Variants in CAST observed in about 807,000 individuals in gnomAD.
CAST encodes calpastatin.
In CAST, 76 loss-of-function variants were observed where a neutral mutation model predicts 119.6. The observed-to-expected ratio is 0.64, with a 90% CI of 0.53 to 0.77. The LOEUF (loss-of-function observed/expected upper bound fraction) is 0.77, where lower values mean the gene tolerates loss of function less well. CAST is among the 30% of genes least tolerant of loss of function. The pLI, the probability that CAST is intolerant of heterozygous loss-of-function variation, is 0.00. For missense variants in CAST, 953 were observed against 946.5 expected, an observed-to-expected ratio of 1.01 and a Z score of -0.09; for synonymous variants, 319 against 331.6, an observed-to-expected ratio of 0.96 and a Z score of 0.41.
intron 22 of CAST, 104 bp from the exon 23 acceptor site, chr5:96,757,340 C>A (rs1364762104): frequency 3.0e-6 from 3 of 1,015,808 alleles, no homozygotes; most frequent in East Asian, 2.4e-5. Flanking sequence ...TTAAAATGTA[C>A]AACAGCAAGT....
the CAST span, among the ~76,000 whole-genome samples, chr5:96,313,796 A>C: frequency 6.6e-6 from 1 of 151,894 alleles, no homozygotes; most frequent in Non-Finnish European, 1.5e-5. Context: ...TTTTTTTTTA[A>C]TTTTGAGCCA....
intron 1 of CAST, among the ~76,000 whole-genome samples, chr5:96,597,332 A>T (rs1747071008): frequency 6.6e-6 from 1 of 152,202 alleles, no homozygotes; most frequent in Admixed American, 6.5e-5. Flanking sequence ...CTTTTCCCCC[A>T]CTCACCTACG....
intron 1 of CAST, among the ~76,000 whole-genome samples, chr5:96,638,749 T>C (rs560607047): frequency 6.6e-6 from 1 of 152,344 alleles, no homozygotes; most frequent in Non-Finnish European, 1.5e-5. Flanking sequence ...AACTTTCTCC[T>C]CCCGTGGGCC....
chr5:96,767,080 C>G (rs760845255), intron 27 of CAST, among the ~76,000 whole-genome samples: 1 of 152,160 alleles, frequency 6.6e-6, no homozygotes, highest in Non-Finnish European at 1.5e-5. Context: ...TGATGACTTT[C>G]TAAGTGTAAT....
intron 1 of CAST, among the ~76,000 whole-genome samples, chr5:96,588,491 T>C (rs147091049): frequency 1.8e-4 from 27 of 152,288 alleles, no homozygotes; most frequent in South Asian, 4.1e-4. Context: ...TGAGCTACGG[T>C]ACCCGGCTTA....
At chr5:96,236,487 T>G in the CAST span, among the ~76,000 whole-genome samples, 3 of 152,164 alleles carry the variant, frequency 2.0e-5, no homozygotes, top group African/African-American at 7.2e-5. Context: ...AGTCTTCCCT[T>G]TCCTTTGCCC....
the CAST span, among the ~76,000 whole-genome samples, chr5:96,417,312 T>C: frequency 1.3e-5 from 2 of 152,164 alleles, no homozygotes; most frequent in African/African-American, 4.8e-5. Context: ...GAATTCTAAG[T>C]CAGGACAATA....
the CAST span, among the ~76,000 whole-genome samples, chr5:96,238,338 TTCTTCTTCATCTTCA>T: frequency 1.8e-4 from 8 of 45,236 alleles, no homozygotes; most frequent in African/African-American, 4.1e-4. Flanking sequence ...CTTCTTCTTC[TTCTTCTTCATCTTCA>T]TCTTCTTCTT....
chr5:96,585,830 A>G (rs1746849818), intron 1 of CAST, among the ~76,000 whole-genome samples: 1 of 152,254 alleles, frequency 6.6e-6, no homozygotes, highest in African/African-American at 2.4e-5. Flanking sequence ...GAAAAGATAT[A>G]GAGACGTGCA....
intron 1 of CAST, among the ~76,000 whole-genome samples, chr5:96,656,239 G>A (rs1184474722): frequency 2.0e-5 from 3 of 152,208 alleles, no homozygotes; most frequent in African/African-American, 7.2e-5. Flanking sequence ...AGAACAATTT[G>A]TATACTCTAT....
the CAST span, among the ~76,000 whole-genome samples, chr5:96,152,473 G>T: frequency 2.0e-5 from 3 of 152,172 alleles, no homozygotes; most frequent in African/African-American, 7.2e-5. Context: ...CAAAGTTTGT[G>T]AGGGGTCCTA....
upstream of CAST, among the ~76,000 whole-genome samples, chr5:96,529,241 AAG>A (rs574172712): frequency 1.2e-3 from 176 of 152,346 alleles, no homozygotes; most frequent in Non-Finnish European, 1.8e-3. Context: ...GGAAGAAACT[AAG>A]AGAAAATTTA....
At chr5:96,188,013 C>G in the CAST span, among the ~76,000 whole-genome samples, 1 of 152,202 alleles carries the variant, frequency 6.6e-6, no homozygotes, top group Admixed American at 6.5e-5. Flanking sequence ...TTGGTCAGCC[C>G]ACTCAGTGAG....
At chr5:96,727,903 GTGTCTGC>G (rs1759583278) in intron 6 of CAST, among the ~76,000 whole-genome samples, 1 of 152,082 alleles carries the variant, frequency 6.6e-6, no homozygotes, top group Non-Finnish European at 1.5e-5. Flanking sequence ...CAAGAATAAG[GTGTCTGC>G]TGAACTCAGC....
intron 2 of CAST, among the ~76,000 whole-genome samples, chr5:96,682,616 T>G (rs1349995898): frequency 1.3e-5 from 2 of 152,316 alleles, no homozygotes; most frequent in East Asian, 3.9e-4. Flanking sequence ...GCAAAATTTC[T>G]TTCTGATTAC....
chr5:96,403,569 G>A, the CAST span, among the ~76,000 whole-genome samples: 12 of 152,122 alleles, frequency 7.9e-5, no homozygotes, highest in Admixed American at 3.9e-4. Context: ...TGACATCCAC[G>A]ATAATTAAAT....
chr5:96,332,256 A>AT, the CAST span, among the ~76,000 whole-genome samples: 1 of 152,146 alleles, frequency 6.6e-6, no homozygotes, highest in Non-Finnish European at 1.5e-5. Flanking sequence ...TCAGCCTTGT[A>AT]TTTTTCCTTC....
the CAST span, among the ~76,000 whole-genome samples, chr5:95,996,881 C>G: frequency 3.3e-5 from 5 of 151,996 alleles, no homozygotes; most frequent in African/African-American, 1.2e-4. Context: ...ATCCTTATTT[C>G]TCCTTATTTA....
the CAST span, among the ~76,000 whole-genome samples, chr5:96,135,992 C>T: frequency 2.0e-5 from 3 of 149,620 alleles, no homozygotes; most frequent in East Asian, 2.0e-4. Context: ...ACCTGGGAGG[C>T]GGAGGTTGTG....
Sources: gnomAD v4.1 joint callset for allele counts (sites outside exome capture counted in the v4.1 genomes callset) on GRCh38, gnomAD v4.1.1 for gene constraint, MANE v1.5 for transcripts, NCBI Gene and HGNC (gene_info 2026-07-23, HGNC 2026-07-21) for gene names.